Variants in TMC1 observed in about 807,000 individuals in gnomAD.
TMC1 encodes transmembrane channel like 1.
A neutral mutation model predicts 105.8 loss-of-function variants in TMC1; 84 were observed. The observed-to-expected ratio is 0.79, with a 90% CI of 0.67 to 0.95. TMC1 has a LOEUF of 0.95. Ranked by LOEUF, TMC1 falls within the 40% of genes least tolerant of loss-of-function variation. The pLI is 0.00. For missense variants in TMC1, 817 were observed against 914.1 expected, an observed-to-expected ratio of 0.89 and a Z score of 1.37; for synonymous variants, 315 against 311.5, an observed-to-expected ratio of 1.01 and a Z score of -0.12.
At chr9:72,646,653 A>G (rs1322727895) in intron 4 of TMC1, among the ~76,000 whole-genome samples, 1 of 149,652 alleles carries the variant, frequency 6.7e-6, no homozygotes, top group Admixed American at 6.7e-5. Context: ...TTTTTTTTTG[A>G]GATGGAGTCT....
chr9:72,815,401 T>G (rs1828769877), intron 18 of TMC1, among the ~76,000 whole-genome samples: 2 of 152,220 alleles, frequency 1.3e-5, no homozygotes, highest in South Asian at 4.1e-4. Flanking sequence ...TTTTTTATAT[T>G]TCTTTTGCTG....
At chr9:72,548,355 G>A (rs558889763) in intron 1 of TMC1, among the ~76,000 whole-genome samples, 10 of 152,038 alleles carry the variant, frequency 6.6e-5, no homozygotes, top group African/African-American at 1.9e-4. Context: ...GGTGGATCAC[G>A]AGGCCAGGAG....
chr9:72,542,821 A>C (rs1321682684), intron 1 of TMC1, among the ~76,000 whole-genome samples: 2 of 152,010 alleles, frequency 1.3e-5, no homozygotes, highest in East Asian at 3.9e-4. Context: ...GTGGGATTAC[A>C]GGTGCCTGCC....
intron 5 of TMC1, among the ~76,000 whole-genome samples, chr9:72,650,897 T>TATATAAATATATATAGATATAG (rs1564468532): frequency 3.5e-5 from 5 of 142,562 alleles, no homozygotes; most frequent in African/African-American, 1.3e-4. Flanking sequence ...TATAGATATA[T>TATATAAATATATATAGATATAG]ATATAAATAT....
intron 18 of TMC1, among the ~76,000 whole-genome samples, chr9:72,814,713 TAA>T (rs1828754974): frequency 6.6e-6 from 1 of 152,174 alleles, no homozygotes; most frequent in African/African-American, 2.4e-5. Flanking sequence ...AATAGGAGAG[TAA>T]TACTGCCTTT....
intron 1 of TMC1, among the ~76,000 whole-genome samples, chr9:72,569,159 C>G (rs1332198417): frequency 6.6e-6 from 1 of 152,142 alleles, no homozygotes; most frequent in Non-Finnish European, 1.5e-5. Context: ...TATGCACATC[C>G]TACTGTATAC....
At chr9:72,651,234 A>T (rs1359898464) in intron 5 of TMC1, 1 of 151,936 alleles carries the variant, frequency 6.6e-6, no homozygotes, top group Non-Finnish European at 1.5e-5. Flanking sequence ...GAATGCAAGG[A>T]AAAACTGTTT....
rs779995023 is a variant in TMC1 at position 72,700,658 on chromosome 9, T to C, written c.362+15T>C. 2.2e-5 allele frequency: 34 copies of C among 1,576,072 alleles called. No individual in the cohort carries two copies. Among genetic ancestry groups the C allele is most frequent in the Non-Finnish European group, 2.7e-5 (31 of 1,156,268 alleles). On this transcript the variant is annotated intron_variant, in intron 8 of 23. Transcript: ENST00000297784. The stretch of plus-strand genomic sequence containing the variant: ...GAAGTTCTCAAGTATGGTGCCACTT[T>C]TTATAAGTAGAAACACTTTCCCTGA...
chr9:72,677,713 T>C (rs1167819962), intron 5 of TMC1, among the ~76,000 whole-genome samples: 1 of 152,108 alleles, frequency 6.6e-6, no homozygotes, highest in African/African-American at 2.4e-5. Flanking sequence ...TGAAAAATGT[T>C]GGGATTGCCT....
intron 6 of TMC1, among the ~76,000 whole-genome samples, chr9:72,692,451 G>A (rs897167450): frequency 1.1e-4 from 17 of 152,148 alleles, no homozygotes; most frequent in Non-Finnish European, 5.9e-5. Context: ...AATTTCTCAC[G>A]AAGGGAGCTT....
rs1368505384 is a variant in TMC1 at position 72,739,024 on chromosome 9, A to AAACAAC, written c.363-1095_363-1094insAACAAC. ...ATTGTTTTTCAAACAAACAACAAAAATGACTGTCCCAGTCAGTTCAAGCTG... is the reference window on the plus strand; with the variant it reads ...ATTGTTTTTCAAACAAACAACAAAAAAACAACTGACTGTCCCAGTCAGTTCAAGCTG... On this transcript the variant is annotated intron_variant, in intron 8 of 23. Transcript: ENST00000297784. 9.4e-4 allele frequency among the ~76,000 whole-genome samples: 143 copies of AAACAAC among 152,334 alleles called. 1 individual carries two copies. Among genetic ancestry groups the AAACAAC allele is most frequent in the African/African-American group, 3.2e-3 (135 of 41,572 alleles).
chr9:72,828,984 T>G (rs977375848), intron 21 of TMC1, among the ~76,000 whole-genome samples: 3 of 152,204 alleles, frequency 2.0e-5, no homozygotes, highest in Non-Finnish European at 4.4e-5. Context: ...AGTCTGGCAG[T>G]CATCTTCATC....
At chr9:72,751,984 C>A in intron 11 of TMC1, 28 bp downstream of exon 11, 2 of 1,399,016 alleles carry the variant, frequency 1.4e-6, no homozygotes, top group Non-Finnish European at 2.0e-6. Flanking sequence ...GTTTACAAAA[C>A]ATGCTGAAAA....
intron 2 of TMC1, among the ~76,000 whole-genome samples, chr9:72,591,182 A>T (rs1026142134): frequency 1.3e-5 from 2 of 152,140 alleles, no homozygotes; most frequent in African/African-American, 4.8e-5. Flanking sequence ...AAATGAGGCT[A>T]TATCAAGGTG....
chr9:72,571,288 A>T (rs539995208), intron 1 of TMC1, among the ~76,000 whole-genome samples: 1 of 151,376 alleles, frequency 6.6e-6, no homozygotes, highest in South Asian at 2.1e-4. Context: ...GCACCATTGC[A>T]CTCCAGACTG....
chr9:72,696,349 G>C (rs930925874), intron 7 of TMC1, among the ~76,000 whole-genome samples: 1 of 152,028 alleles, frequency 6.6e-6, no homozygotes, highest in South Asian at 2.1e-4. Context: ...CTCTCCATAG[G>C]TTTTGCAAAT....
intron 13 of TMC1, among the ~76,000 whole-genome samples, chr9:72,784,761 A>G (rs1352782384): frequency 6.6e-6 from 1 of 152,244 alleles, no homozygotes; most frequent in Non-Finnish European, 1.5e-5. Context: ...ATGCAGCCAT[A>G]AAAAAGAATT....
intron 2 of TMC1, among the ~76,000 whole-genome samples, chr9:72,614,616 C>T (rs568384296): frequency 6.6e-6 from 1 of 152,168 alleles, no homozygotes; most frequent in Non-Finnish European, 1.5e-5. Flanking sequence ...CAGCTTTATA[C>T]TTGGGTCCAA....
Position 72,704,152 on chromosome 9 carries a change from G to A in TMC1, c.362+3509G>A, listed in dbSNP as rs532954441. ...TTCAGAGACATCTAACTTTGAGAGC[G>A]TGTTTCTAAGGATTATGTTATTAAT... On this transcript the variant is annotated intron_variant, in intron 8 of 23. Transcript: ENST00000297784. 7.9e-5 allele frequency among the ~76,000 whole-genome samples: 12 copies of A among 152,166 alleles called. No individual in the cohort carries two copies. In the South Asian group the frequency reaches 2.1e-3, roughly 26 times the overall value.
Sources: allele counts gnomAD v4.1 joint callset (sites outside exome capture counted in the v4.1 genomes callset), GRCh38; gene constraint gnomAD v4.1.1; transcripts MANE v1.5; gene names NCBI Gene and HGNC (gene_info 2026-07-23, HGNC 2026-07-21).